Variants in CGGBP1 observed in about 807,000 individuals in gnomAD.
CGGBP1 encodes the protein CGG triplet repeat binding protein 1, also known as CGG triplet repeat-binding protein 1.
A neutral mutation model predicts 11.4 loss-of-function variants in CGGBP1; 4 were observed. That is an observed-to-expected ratio of 0.35 (90% CI 0.17 to 0.80). CGGBP1 has a LOEUF of 0.80. CGGBP1 is among the 30% of genes least tolerant of loss of function. The pLI is 0.52. For missense variants in CGGBP1, 135 were observed against 202.1 expected (o/e 0.67, Z 2.01); for synonymous variants, 76 against 74.1 (o/e 1.03, Z -0.13).
chr3:88,142,284 T>TA (rs1169446972), intron 1 of CGGBP1: 1 of 75,920 alleles, frequency 1.3e-5, no homozygotes, highest in African/African-American at 3.5e-5. Flanking sequence ...CATTGAAAAT[T>TA]AAAAAACAAA....
At chr3:88,134,803 C>A (rs1336033510) in intron 2 of CGGBP1, among the ~76,000 whole-genome samples, 2 of 151,992 alleles carry the variant, frequency 1.3e-5, no homozygotes, top group Non-Finnish European at 2.9e-5. Context: ...TGATCTGATA[C>A]TGGAGACATC....
chr3:88,142,158 T>C (rs1707164154), intron 1 of CGGBP1: 1 of 152,466 alleles, frequency 6.6e-6, no homozygotes, highest in Non-Finnish European at 1.5e-5. Flanking sequence ...CGCTGCTGTT[T>C]GGTTTGTGAT....
intron 2 of CGGBP1, among the ~76,000 whole-genome samples, chr3:88,067,271 C>G (rs1283831138): frequency 6.6e-6 from 1 of 152,142 alleles, no homozygotes; most frequent in Admixed American, 6.5e-5. Flanking sequence ...TATTTGGATA[C>G]CTGGGCAAGT....
chr3:88,129,603 T>C, intron 2 of CGGBP1: 1 of 1,088,044 alleles, frequency 9.2e-7, no homozygotes, highest in Non-Finnish European at 1.2e-6. Flanking sequence ...CTAAGCAATT[T>C]CTCTTGAATG....
At position 88,107,164 on chromosome 3, in the gene CGGBP1, AACTTATTGAGGTATACACTTTATATACT is replaced by A. The variant is rs2107741152; in HGVS notation, c.-229+33778_-229+33805del. Among the ~76,000 whole-genome samples, 2 of 152,288 alleles carry A rather than the reference AACTTATTGAGGTATACACTTTATATACT, an allele frequency of 1.3e-5. 1 individual carries two copies. Among genetic ancestry groups the A allele is most frequent in the South Asian group, 4.1e-4 (2 of 4,826 alleles). On this transcript the variant is annotated intron_variant, in intron 2 of 3. Transcript: ENST00000462901. ...ATTAGTTAAGGGGAATTTAGCTCTT[AACTTATTGAGGTATACACTTTATATACT>A]TTATCTTCCTCCAGTAAAATGGCAT...
chr3:88,059,208 G>C, upstream of CGGBP1: 10 of 1,472,026 alleles, frequency 6.8e-6, no homozygotes, highest in Non-Finnish European at 8.9e-6. Flanking sequence ...CCCCTGTCCG[G>C]CTAGGGAGGA....
chr3:88,141,114 A>G lies in CGGBP1; in HGVS notation c.-337-36T>C, dbSNP rs887968916. 2.9e-5 allele frequency: 44 copies of G among 1,507,646 alleles called. No homozygotes were observed. In the African/African-American group the frequency reaches 5.9e-4, roughly 20 times the overall value. 93.4% of individuals were successfully genotyped at this position (1,507,646 alleles called of 1,614,324 possible). On this transcript the variant is annotated intron_variant, in intron 1 of 3. Transcript: ENST00000462901. ...AGAAAATGGCATAAATAAAACTATTATAGATCTTTGAGATTTAAAAAATTG... is the reference window on the plus strand; with the variant it reads ...AGAAAATGGCATAAATAAAACTATTGTAGATCTTTGAGATTTAAAAAATTG...
intron 2 of CGGBP1, among the ~76,000 whole-genome samples, chr3:88,131,763 C>T (rs148730394): frequency 0.019 from 2,842 of 152,104 alleles, 95 homozygotes; most frequent in African/African-American, 0.065. Context: ...TTTCTTCTAC[C>T]TCTTTTCTAT....
intron 2 of CGGBP1, among the ~76,000 whole-genome samples, chr3:88,081,831 C>T (rs1708091177): frequency 6.6e-6 from 1 of 152,160 alleles, no homozygotes; most frequent in African/African-American, 2.4e-5. Context: ...GATTTGGGCA[C>T]TAAGTGTGTT....
At chr3:88,125,370 T>A (rs1706035724) in intron 2 of CGGBP1, among the ~76,000 whole-genome samples, 1 of 152,162 alleles carries the variant, frequency 6.6e-6, no homozygotes, top group South Asian at 2.1e-4. Context: ...TACAAACTTG[T>A]TACAAATTTC....
chr3:88,136,536 A>G (rs1292623696), intron 2 of CGGBP1, among the ~76,000 whole-genome samples: 52 of 152,202 alleles, frequency 3.4e-4, no homozygotes, highest in Non-Finnish European at 4.4e-5. Context: ...TGAGTTTTCA[A>G]TGACATGAGG....
exon 2 of CGGBP1, chr3:88,141,066 TTAG>T: frequency 6.4e-7 from 1 of 1,559,108 alleles, no homozygotes; most frequent in Non-Finnish European, 8.6e-7. Context: ...TTCTGTCTTC[TTAG>T]TAGAGGTATC....
chr3:88,140,299 C>G (rs376694512), intron 2 of CGGBP1: 19 of 1,613,632 alleles, frequency 1.2e-5, no homozygotes, highest in Middle Eastern at 1.6e-4. Flanking sequence ...CCAGAGTCAT[C>G]TGCACAACCA....
intron 2 of CGGBP1, among the ~76,000 whole-genome samples, chr3:88,096,848 C>G (rs1455914990): frequency 1.3e-5 from 2 of 152,032 alleles, no homozygotes. Context: ...ATCCAGTGTA[C>G]TTATTTTCAT....
intron 2 of CGGBP1, chr3:88,140,245 C>G: frequency 6.2e-7 from 1 of 1,613,828 alleles, no homozygotes; most frequent in Admixed American, 1.7e-5. Flanking sequence ...GAAGATCTTC[C>G]TCTGCTGTAT....
intron 2 of CGGBP1, among the ~76,000 whole-genome samples, chr3:88,109,248 A>G (rs1417633206): frequency 6.6e-6 from 1 of 151,730 alleles, no homozygotes; most frequent in African/African-American, 2.4e-5. Context: ...TTTGAAGATT[A>G]AGTGCATTAG....
At chr3:88,143,290 A>G (rs918439448) in intron 1 of CGGBP1, 2 of 152,204 alleles carry the variant, frequency 1.3e-5, no homozygotes, top group African/African-American at 2.4e-5. Flanking sequence ...AATGATGGTC[A>G]TAAGTCCATT....
chr3:88,059,152 TG>T (rs1029072768), upstream of CGGBP1: 4 of 1,305,984 alleles, frequency 3.1e-6, no homozygotes, highest in African/African-American at 1.5e-5. Context: ...CAATAAAAAC[TG>T]GGGGCGTGGG....
intron 2 of CGGBP1, among the ~76,000 whole-genome samples, chr3:88,064,487 G>A (rs1707084813): frequency 6.6e-6 from 1 of 152,174 alleles, no homozygotes; most frequent in Admixed American, 6.5e-5. Context: ...ATCTGGGGGA[G>A]ATTTTGAACT....
Sources: gnomAD v4.1 joint callset for allele counts (sites outside exome capture counted in the v4.1 genomes callset) on GRCh38, gnomAD v4.1.1 for gene constraint, MANE v1.5 for transcripts, NCBI Gene and HGNC (gene_info 2026-07-23, HGNC 2026-07-21) for gene names.